AMOTL2: variants seen among roughly 807,000 people sequenced by gnomAD.
AMOTL2 encodes angiomotin like 2, also known as angiomotin-like protein 2.
In AMOTL2, 33 loss-of-function variants were observed where a neutral mutation model predicts 78.4. That is an observed-to-expected ratio of 0.42 (90% CI 0.32 to 0.56). The LOEUF (loss-of-function observed/expected upper bound fraction) is 0.56. Among genes scored for constraint, AMOTL2 ranks in the 20% least tolerant of loss-of-function variants. The pLI is 0.12. For missense variants in AMOTL2, 983 were observed against 1,030.1 expected (o/e 0.95, Z 0.63); for synonymous variants, 422 against 428.8 (o/e 0.98, Z 0.20).
At chr3:134,374,939 A>C, upstream of AMOTL2, 46 of 1,160,310 alleles carry the variant, frequency 4.0e-5, no homozygotes, top group East Asian at 2.3e-4. Flanking sequence ...GTGTGTGTGT[A>C]CCGGGGGAGG....
chr3:134,370,391 T>C (rs2017795804), intron 2 of AMOTL2, among the ~76,000 whole-genome samples: 1 of 152,236 alleles, frequency 6.6e-6, no homozygotes, highest in South Asian at 2.1e-4. Context: ...TTTAGGAAGT[T>C]CTTTCTGAAA....
chr3:134,366,083 C>T (rs2017591008), intron 4 of AMOTL2, among the ~76,000 whole-genome samples, 174 bp from the exon 5 acceptor site: 1 of 152,224 alleles, frequency 6.6e-6, no homozygotes, highest in Non-Finnish European at 1.5e-5. Context: ...CAAGAGCCAT[C>T]ATCCCTGAGG....
At chr3:134,366,146 AAAGGGGT>A in intron 4 of AMOTL2, 130 bp downstream of exon 4, 1 of 1,250,222 alleles carries the variant, frequency 8.0e-7, no homozygotes, top group Non-Finnish European at 1.1e-6. Context: ...GGGCAGCTCC[AAAGGGGT>A]CTCAGCCTGG....
rs755868196 is a variant in AMOTL2, at chr3:134,366,275, G to A, written c.1186+8C>T. 1 of 1,613,722 alleles carries A rather than the reference G, an allele frequency of 6.2e-7. No individual in the cohort carries two copies. Among genetic ancestry groups the A allele is most frequent in the East Asian group, 2.2e-5 (1 of 44,868 alleles). ...TCTCCAACCTCCACCTGTGTGACTGGCTCTCACCTCTAAGATCCCGGTTGA... is the reference window on the plus strand; with the variant it reads ...TCTCCAACCTCCACCTGTGTGACTGACTCTCACCTCTAAGATCCCGGTTGA... On this transcript the variant is annotated splice_region_variant and intron_variant, in intron 4 of 9. Transcript: ENST00000249883.
At chr3:134,360,549 C>T in intron 6 of AMOTL2, 136 bp from the exon 7 acceptor site, 1 of 787,944 alleles carries the variant, frequency 1.3e-6, no homozygotes, top group Non-Finnish European at 2.0e-6. Context: ...CCCATCCTTC[C>T]TCTACCGAAA....
intron 5 of AMOTL2, among the ~76,000 whole-genome samples, chr3:134,364,793 T>C (rs188506249): frequency 7.7e-4 from 117 of 152,240 alleles, no homozygotes; most frequent in African/African-American, 2.6e-3. Context: ...GTAGGGTTCC[T>C]GTGAAGACTC....
intron 5 of AMOTL2, 34 bp from the exon 6 acceptor site, chr3:134,361,841 G>T (rs1313041788): frequency 1.3e-6 from 2 of 1,489,996 alleles, no homozygotes; most frequent in Admixed American, 2.1e-5. Context: ...CAGTGACAGT[G>T]ACCACGTTGG....
At chr3:134,364,200 G>A (rs2017503722) in intron 5 of AMOTL2, among the ~76,000 whole-genome samples, 2 of 152,144 alleles carry the variant, frequency 1.3e-5, no homozygotes, top group Non-Finnish European at 2.9e-5. Context: ...GCGCGCACGG[G>A]AGGGAGCGGC....
At position 134,358,714 on chromosome 3, in the gene AMOTL2, T is replaced by A; in HGVS notation, c.2110A>T (p.Arg704Ter). Residue 704 changes from arginine to a stop codon, truncating the protein, a stop_gained, in exon 9 of 10, where the codon AGA becomes TGA. Transcript: ENST00000249883. LOFTEE classifies it high-confidence loss of function. ...DAPARLTTAD[R>*]APTEEPVVTA... ...ACCACTGGCTCCTCTGTGGGTGCTC[T>A]GTCTGCTGGAAAGGTAGGTGGATGG... 1 of 1,614,096 alleles carries A rather than the reference T, an allele frequency of 6.2e-7. No individual in the cohort carries two copies. Among genetic ancestry groups the A allele is most frequent in the Non-Finnish European group, 8.5e-7 (1 of 1,180,018 alleles).
At chr3:134,357,849 C>G in intron 9 of AMOTL2, 86 bp from the exon 10 acceptor site, 2 of 1,412,258 alleles carry the variant, frequency 1.4e-6, no homozygotes, top group Non-Finnish European at 2.0e-6. Context: ...AGACAAAGAT[C>G]GTTCTTCACC....
In AMOTL2 at chr3:134,357,495, CAG is replaced by C. The variant is rs2017126763; in HGVS notation, c.*208_*209del. 1 of 591,056 alleles carries C rather than the reference CAG, an allele frequency of 1.7e-6. No individual in the cohort carries two copies. The highest frequency in any genetic ancestry group is 1.9e-5 in the African/African-American group (1 of 53,908). 36.6% of individuals were successfully genotyped at this position (591,056 alleles called of 1,614,324 possible). ...GCCCGGAGGAATGTGGGCTAAGAAG[CAG>C]AGTCTTCTGGGGGTGCCGGTGCTCT... On this transcript the variant is annotated 3_prime_UTR_variant, in exon 10 of 10. Transcript: ENST00000249883.
intron 2 of AMOTL2, 50 bp from the exon 3 acceptor site, chr3:134,367,853 T>C (rs766934911): frequency 6.3e-7 from 1 of 1,594,018 alleles, no homozygotes; most frequent in Non-Finnish European, 8.5e-7. Flanking sequence ...CCCTCATGGC[T>C]CCCACCAGAG....
At chr3:134,368,559 A>T (rs1204991490) in intron 2 of AMOTL2, among the ~76,000 whole-genome samples, 1 of 152,200 alleles carries the variant, frequency 6.6e-6, no homozygotes, top group Non-Finnish European at 1.5e-5. Flanking sequence ...GCTCTGTTGC[A>T]TCATGAGGGT....
At chr3:134,374,666 C>G, upstream of AMOTL2, 2 of 983,200 alleles carry the variant, frequency 2.0e-6, no homozygotes, top group Non-Finnish European at 2.4e-6. Context: ...AGCGCCGGCC[C>G]GGCCCCCGAG....
upstream of AMOTL2, chr3:134,375,374 G>T (rs2018046642): frequency 1.2e-6 from 1 of 836,434 alleles, no homozygotes; most frequent in South Asian, 1.4e-5. Flanking sequence ...GGACACCAGG[G>T]CTCAGAGAGC....
intron 1 of AMOTL2, 23 bp downstream of exon 1, chr3:134,374,319 G>C: frequency 2.0e-6 from 2 of 985,398 alleles, no homozygotes; most frequent in Non-Finnish European, 2.4e-6. Flanking sequence ...GCGCTCTCCC[G>C]AGCGCCGAGC....
At chr3:134,374,691 GC>G (rs2018025606), upstream of AMOTL2, 7 of 980,768 alleles carry the variant, frequency 7.1e-6, no homozygotes, top group Non-Finnish European at 7.3e-6. Context: ...GTTCCTCCGC[GC>G]CCAGCGCCCT....
At chr3:134,369,392 C>T (rs1157158377) in intron 2 of AMOTL2, among the ~76,000 whole-genome samples, 4 of 152,206 alleles carry the variant, frequency 2.6e-5, no homozygotes, top group East Asian at 1.9e-4. Flanking sequence ...CCTTTCTCCT[C>T]GTCCTCTCCC....
At chr3:134,372,126 C>A (rs2017890661) in intron 1 of AMOTL2, among the ~76,000 whole-genome samples, 1 of 152,170 alleles carries the variant, frequency 6.6e-6, no homozygotes, top group Non-Finnish European at 1.5e-5. Flanking sequence ...ACCCTCTAGA[C>A]TGAGGCATCC....
Sources: gnomAD v4.1 joint callset for allele counts (sites outside exome capture counted in the v4.1 genomes callset) on GRCh38, gnomAD v4.1.1 for gene constraint, MANE v1.5 for transcripts, NCBI Gene and HGNC (gene_info 2026-07-23, HGNC 2026-07-21) for gene names.